The following TMEM168 variants were observed in gnomAD, a reference collection of about 807,000 sequenced individuals.
TMEM168 encodes the protein transmembrane protein 168.
Under a neutral mutation model 53.2 loss-of-function variants are expected in TMEM168, and 40 were observed. The observed-to-expected ratio is 0.75, with a 90% CI of 0.58 to 0.98. The LOEUF (loss-of-function observed/expected upper bound fraction) is 0.98, where lower values mean the gene tolerates loss of function less well. Among genes scored for constraint, TMEM168 ranks in the 50% least tolerant of loss-of-function variants. The pLI is 0.00. For synonymous variants in TMEM168, 282 were observed against 293.0 expected (o/e 0.96, Z 0.38); for missense variants, 771 against 828.8 (o/e 0.93, Z 0.86).
chr7:112,780,056 C>G (rs1793187874), intron 2 of TMEM168, among the ~76,000 whole-genome samples: 1 of 152,150 alleles, frequency 6.6e-6, no homozygotes, highest in Non-Finnish European at 1.5e-5. Context: ...AATTTAAGAA[C>G]ATTATGAAGG....
intron 1 of TMEM168, among the ~76,000 whole-genome samples, chr7:112,789,620 G>A (rs539765276): frequency 6.6e-6 from 1 of 152,228 alleles, no homozygotes; most frequent in African/African-American, 2.4e-5. Context: ...CTCTCTCCAT[G>A]TCCTACCTCT....
In TMEM168 at chr7:112,766,354, T is replaced by C. The variant is rs139692654; in HGVS notation, c.*843A>G. On this transcript the variant is annotated 3_prime_UTR_variant, in exon 5 of 5. Transcript: ENST00000312814. ...CAAAATCTTTTCTGAATACTTAAAATAGACTGAGTCAGTCAACGAGAAATT... is the reference window on the plus strand; with the variant it reads ...CAAAATCTTTTCTGAATACTTAAAACAGACTGAGTCAGTCAACGAGAAATT... 1,415 of 152,730 alleles carry C rather than the reference T, an allele frequency of 9.3e-3. 9 individuals carry two copies. Among genetic ancestry groups the C allele is most frequent in the Non-Finnish European group, 0.014 (950 of 68,018 alleles). 9.5% of individuals were successfully genotyped at this position (152,730 alleles called of 1,614,324 possible).
At position 112,784,871 on chromosome 7, in the gene TMEM168, G is replaced by A. The variant is rs772160841; in HGVS notation, c.-46C>T. The A allele has an allele frequency of 4.1e-5, 61 of 1,488,452 alleles. No individual in the cohort carries two copies. Among genetic ancestry groups the A allele is most frequent in the Admixed American group, 7.1e-5 (3 of 42,064 alleles). The allele number at this position is 1,488,452 out of a possible 1,614,324, so 92.2% of individuals were successfully genotyped here. On this transcript the variant is annotated 5_prime_UTR_variant, in exon 2 of 5. Coordinates refer to ENST00000312814, the MANE Select transcript of TMEM168 (RefSeq NM_022484.6). The stretch of plus-strand genomic sequence containing the variant: ...TTCCCTCACGTTACAAAAATTAACC[G>A]CTTGTATTTCATCCAGTATATCCAA...
intron 2 of TMEM168, among the ~76,000 whole-genome samples, chr7:112,780,901 T>G (rs936667085): frequency 6.9e-6 from 1 of 145,696 alleles, no homozygotes; most frequent in Admixed American, 6.9e-5. Context: ...GCTCTACAAA[T>G]TGACTGTGGT....
intron 2 of TMEM168, among the ~76,000 whole-genome samples, chr7:112,781,063 G>A (rs985952561): frequency 1.0e-4 from 15 of 150,644 alleles, no homozygotes; most frequent in Non-Finnish European, 1.8e-4. Context: ...GAGTTAATAT[G>A]GTAAGAAGAT....
chr7:112,784,380 T>C lies in TMEM168; in HGVS notation c.446A>G (p.His149Arg), dbSNP rs376596382. 7.4e-6 allele frequency: 12 copies of C among 1,614,062 alleles called. No individual in the cohort carries two copies. The highest frequency in any genetic ancestry group is 2.2e-5 in the East Asian group (1 of 44,874). Reference protein sequence around the residue: ...LVERISGYVRHRPTLLTTVEF... With the variant: ...LVERISGYVRRRPTLLTTVEF... ...AACTGTGGTTAGTAAAGTGGGCCGATGACGGACATAACCAGAAATTCTCTC... is the reference window on the plus strand; with the variant it reads ...AACTGTGGTTAGTAAAGTGGGCCGACGACGGACATAACCAGAAATTCTCTC... Residue 149 changes from histidine (H) to arginine (R), a missense_variant, in exon 2 of 5, where the codon CAT (histidine) becomes CGT (arginine). Physicochemically the swap from His to Arg is conservative, Grantham distance 29 (BLOSUM62 0). Coordinates refer to ENST00000312814, the MANE Select transcript of TMEM168 (RefSeq NM_022484.6).
chr7:112,780,335 C>T (rs1793194626), intron 2 of TMEM168, among the ~76,000 whole-genome samples: 1 of 152,164 alleles, frequency 6.6e-6, no homozygotes, highest in Non-Finnish European at 1.5e-5. Context: ...ACCCAGCAAT[C>T]CCACATCACA....
intron 4 of TMEM168, among the ~76,000 whole-genome samples, chr7:112,769,187 T>A (rs1792867520): frequency 6.6e-6 from 1 of 152,220 alleles, no homozygotes; most frequent in Non-Finnish European, 1.5e-5. Context: ...TGTCATTTAT[T>A]AATGTTTTAT....
At chr7:112,775,924 T>C (rs1210987980) in intron 2 of TMEM168, among the ~76,000 whole-genome samples, 2 of 151,832 alleles carry the variant, frequency 1.3e-5, no homozygotes, top group Admixed American at 6.6e-5. Flanking sequence ...CACGTAAGCA[T>C]TGTAAAAGCA....
Position 112,767,267 on chromosome 7 carries a change from CT to C in TMEM168, c.2023del (p.Arg675AspfsTer2). ...AGGAAGAAACCAACTCATTTTTAAT[CT>C]TTTCAAGCACCTAAAACAAGTTTTG... is the stretch of plus-strand genomic sequence containing the variant. ...ICKTCFRCLKRLKMSWFLPTV... is the reference protein window; with the variant it reads ...ICKTCFRCLKXLKMSWFLPTV... On this transcript the variant is annotated frameshift_variant, in exon 5 of 5. Coordinates refer to ENST00000312814, the MANE Select transcript of TMEM168 (RefSeq NM_022484.6). LOFTEE classifies it high-confidence loss of function. The C allele has an allele frequency of 6.2e-7, 1 of 1,614,126 alleles. No homozygotes were observed. Among genetic ancestry groups the C allele is most frequent in the Non-Finnish European group, 8.5e-7 (1 of 1,179,994 alleles).
At chr7:112,786,356 G>C (rs1793380125) in intron 1 of TMEM168, among the ~76,000 whole-genome samples, 1 of 152,082 alleles carries the variant, frequency 6.6e-6, no homozygotes, top group African/African-American at 2.4e-5. Context: ...GCAACCTTAG[G>C]GTCTCTGGGA....
Position 112,775,167 on chromosome 7 carries a change from T to A in TMEM168, c.1271+9A>T. The stretch of plus-strand genomic sequence containing the variant: ...AATAGTTATCACTAACTATACTAGA[T>A]TACTGTACCTGCAGAAGTTGGTGGG... On this transcript the variant is annotated intron_variant, in intron 3 of 4. Coordinates refer to ENST00000312814, the MANE Select transcript of TMEM168 (RefSeq NM_022484.6). 1 of 1,601,642 alleles carries A rather than the reference T, an allele frequency of 6.2e-7. No individual in the cohort carries two copies. The highest frequency in any genetic ancestry group is 1.3e-5 in the African/African-American group (1 of 74,558).
In TMEM168 at chr7:112,767,146, G is replaced by A. The variant is rs2116212412; in HGVS notation, c.*51C>T. The A allele has an allele frequency of 6.6e-7, 1 of 1,516,362 alleles. No individual in the cohort carries two copies. Among genetic ancestry groups the A allele is most frequent in the Non-Finnish European group, 8.9e-7 (1 of 1,128,596 alleles). The allele number at this position is 1,516,362 out of a possible 1,614,324, so 93.9% of individuals were successfully genotyped here. ...ACAGCATACAAAAAATGGCAAGTTA[G>A]TGATAATTGGTAGTATGAGTGCTTA... On this transcript the variant is annotated 3_prime_UTR_variant, in exon 5 of 5. Coordinates refer to ENST00000312814, the MANE Select transcript of TMEM168 (RefSeq NM_022484.6).
chr7:112,772,277 AG>A (rs1430108064), intron 4 of TMEM168, among the ~76,000 whole-genome samples: 2 of 152,226 alleles, frequency 1.3e-5, no homozygotes, highest in African/African-American at 4.8e-5. Flanking sequence ...TGAAGCCAAC[AG>A]AAGTTAACTA....
chr7:112,780,339 C>T (rs929283280), intron 2 of TMEM168, among the ~76,000 whole-genome samples: 1 of 152,194 alleles, frequency 6.6e-6, no homozygotes, highest in Non-Finnish European at 1.5e-5. Flanking sequence ...AGCAATCCCA[C>T]ATCACACTAA....
chr7:112,783,676 G>A, intron 2 of TMEM168, 22 bp downstream of exon 2: 1 of 1,446,334 alleles, frequency 6.9e-7, no homozygotes, highest in Non-Finnish European at 9.1e-7. Flanking sequence ...CATTGGGGTT[G>A]CTGGACAAAC....
At position 112,766,809 on chromosome 7, in the gene TMEM168, A is replaced by G. The variant is rs1792791023; in HGVS notation, c.*388T>C. On this transcript the variant is annotated 3_prime_UTR_variant, in exon 5 of 5. Transcript: ENST00000312814. ...AAACTGGTAGTTTTCTTAAAACAGT[A>G]AACAAATTTATCTGGTCTACATTCT... The G allele has an allele frequency of 6.3e-6, 1 of 159,430 alleles. No individual in the cohort carries two copies. The highest frequency in any genetic ancestry group is 1.4e-5 in the Non-Finnish European group (1 of 72,920). 9.9% of individuals were successfully genotyped at this position (159,430 alleles called of 1,614,324 possible).
At chr7:112,771,725 T>G (rs1193631920) in intron 4 of TMEM168, among the ~76,000 whole-genome samples, 1 of 152,166 alleles carries the variant, frequency 6.6e-6, no homozygotes, top group South Asian at 2.1e-4. Context: ...GGAGTTCTTA[T>G]ATTGGCAACT....
chr7:112,779,042 C>T (rs1232121083), intron 2 of TMEM168, among the ~76,000 whole-genome samples: 1 of 152,056 alleles, frequency 6.6e-6, no homozygotes, highest in Non-Finnish European at 1.5e-5. Context: ...GGCACATGCA[C>T]CACCATGCCT....
Sources: gnomAD v4.1 joint callset for allele counts (sites outside exome capture counted in the v4.1 genomes callset) on GRCh38, gnomAD v4.1.1 for gene constraint, MANE v1.5 for transcripts, NCBI Gene and HGNC (gene_info 2026-07-23, HGNC 2026-07-21) for gene names.